The following SLC7A1 variants were observed in gnomAD, a reference collection of about 807,000 sequenced individuals.
SLC7A1 encodes the protein solute carrier family 7 member 1.
A neutral mutation model predicts 53.9 loss-of-function variants in SLC7A1; 10 were observed. The observed-to-expected ratio is 0.19, with a 90% CI of 0.11 to 0.31. The LOEUF is 0.31. SLC7A1 is among the 10% of genes least tolerant of loss of function. The pLI, the probability that SLC7A1 is intolerant of heterozygous loss-of-function variation, is 1.00. For missense variants in SLC7A1, 525 were observed against 827.2 expected, an observed-to-expected ratio of 0.63 and a Z score of 4.48; for synonymous variants, 342 against 338.7, an observed-to-expected ratio of 1.01 and a Z score of -0.11.
intron 2 of SLC7A1, among the ~76,000 whole-genome samples, chr13:29,538,736 A>G (rs1428135220): frequency 6.6e-6 from 1 of 152,358 alleles, no homozygotes; most frequent in South Asian, 2.1e-4. Context: ...CGTGGATAGT[A>G]AGTTGGAAGG....
chr13:29,575,408 G>A (rs1871370542), intron 1 of SLC7A1, among the ~76,000 whole-genome samples: 1 of 152,170 alleles, frequency 6.6e-6, no homozygotes, highest in Non-Finnish European at 1.5e-5. Flanking sequence ...TCTAACTTAT[G>A]ATAAATCCCC....
intron 1 of SLC7A1, among the ~76,000 whole-genome samples, chr13:29,582,180 A>G (rs280936): frequency 0.86 from 131,614 of 152,214 alleles, 57,906 homozygotes; most frequent in Middle Eastern, 0.96. Context: ...GCTGCTTGCC[A>G]CTCGGCTAAT....
intron 8 of SLC7A1, among the ~76,000 whole-genome samples, chr13:29,520,232 T>C (rs1323993662): frequency 6.6e-6 from 1 of 152,074 alleles, no homozygotes; most frequent in Non-Finnish European, 1.5e-5. Flanking sequence ...AGTGTGCCCA[T>C]CATTGGGTTC....
At chr13:29,558,679 G>T in intron 1 of SLC7A1, among the ~76,000 whole-genome samples, 1 of 14,230 alleles carries the variant, frequency 7.0e-5, no homozygotes, top group Non-Finnish European at 1.3e-4. Context: ...GTGAGGGGGA[G>T]TGAATGTGAG....
chr13:29,586,040 A>T (rs1031756962), intron 1 of SLC7A1, among the ~76,000 whole-genome samples: 1 of 152,242 alleles, frequency 6.6e-6, no homozygotes, highest in Non-Finnish European at 1.5e-5. Flanking sequence ...AGTAAGAAGA[A>T]GCTGTAATTC....
At chr13:29,518,087 G>A (rs1463548262) in intron 9 of SLC7A1, among the ~76,000 whole-genome samples, 1 of 152,168 alleles carries the variant, frequency 6.6e-6, no homozygotes, top group Admixed American at 6.5e-5. Flanking sequence ...AAGTGGCAGC[G>A]GCCCTCAGAT....
chr13:29,566,376 C>T (rs992046022), intron 1 of SLC7A1, among the ~76,000 whole-genome samples: 11 of 152,324 alleles, frequency 7.2e-5, no homozygotes, highest in African/African-American at 2.2e-4. Flanking sequence ...ACAACCCAAA[C>T]GTCCATCGAC....
rs539349369 is a variant in SLC7A1, at chr13:29,591,719, T to A, written c.-115+3697A>T. Among the ~76,000 whole-genome samples, 7 of 152,030 alleles carry A rather than the reference T, an allele frequency of 4.6e-5. No homozygotes were observed. The South Asian group carries it at 1.5e-3, about 32-fold the overall frequency. The stretch of plus-strand genomic sequence containing the variant: ...AAAAGGGAGGGGGGCAAGGGGACAA[T>A]CAGAAAAAAATGGAAAGACAATGTA... On this transcript the variant is annotated intron_variant, in intron 1 of 12. Coordinates refer to ENST00000380752, the MANE Select transcript of SLC7A1 (RefSeq NM_003045.5).
In SLC7A1 at chr13:29,529,700, C is replaced by A. The variant is rs148947067; in HGVS notation, c.704+838G>T. Among the ~76,000 whole-genome samples, 38 of 152,334 alleles carry A rather than the reference C, an allele frequency of 2.5e-4. No homozygotes were observed. In the East Asian group the frequency reaches 4.0e-3, roughly 16 times the overall value. On this transcript the variant is annotated intron_variant, in intron 5 of 12. Transcript: ENST00000380752. ...GAAACATCTCTTCTTTAAAGCCACA[C>A]TCCATTGTGGCAGTTGGAGGGGGTC... is the stretch of plus-strand genomic sequence containing the variant.
chr13:29,518,941 G>A lies in SLC7A1; in HGVS notation c.1292+506C>T, dbSNP rs570870339. Among the ~76,000 whole-genome samples, 10 of 152,028 alleles carry A rather than the reference G, an allele frequency of 6.6e-5. 1 individual carries two copies. In the South Asian group the frequency reaches 2.1e-3, roughly 32 times the overall value. On this transcript the variant is annotated intron_variant, in intron 9 of 12. Transcript: ENST00000380752. ...CCTGGCCCCCACCAGGCTATAACAA[G>A]CTGACTCCACAGTGTCTCTGAACAT...
intron 12 of SLC7A1, among the ~76,000 whole-genome samples, chr13:29,515,509 G>A (rs990990666): frequency 6.6e-6 from 1 of 152,194 alleles, no homozygotes; most frequent in African/African-American, 2.4e-5. Flanking sequence ...TCAGGGCTGC[G>A]AGGCTGTAGG....
At chr13:29,545,877 C>T (rs1397892867) in intron 2 of SLC7A1, among the ~76,000 whole-genome samples, 1 of 152,230 alleles carries the variant, frequency 6.6e-6, no homozygotes. Flanking sequence ...AACCAGAGAA[C>T]ACCCGAAAAG....
chr13:29,553,010 C>T (rs1365696453), intron 2 of SLC7A1, among the ~76,000 whole-genome samples: 1 of 152,214 alleles, frequency 6.6e-6, no homozygotes, highest in African/African-American at 2.4e-5. Flanking sequence ...GCCTCACTGG[C>T]CAGCCTTGAC....
intron 1 of SLC7A1, among the ~76,000 whole-genome samples, chr13:29,584,760 A>G (rs1871805984): frequency 6.6e-6 from 1 of 152,234 alleles, no homozygotes; most frequent in African/African-American, 2.4e-5. Flanking sequence ...CTTAAGCAAA[A>G]GTCCATCCAA....
At chr13:29,572,791 G>A (rs567337297) in intron 1 of SLC7A1, among the ~76,000 whole-genome samples, 1 of 152,284 alleles carries the variant, frequency 6.6e-6, no homozygotes, top group East Asian at 1.9e-4. Flanking sequence ...GTGATCCTGG[G>A]AAACCTGCAT....
chr13:29,522,586 G>A (rs540975090), intron 7 of SLC7A1, 130 bp from the exon 8 acceptor site: 16 of 859,860 alleles, frequency 1.9e-5, no homozygotes, highest in African/African-American at 8.5e-5. Flanking sequence ...GTCCCTCCAC[G>A]CTGGGTGAGG....
chr13:29,565,006 G>A lies in SLC7A1; in HGVS notation c.-114-11146C>T, dbSNP rs577666. Among the ~76,000 whole-genome samples, 533 of 152,318 alleles carry A rather than the reference G, an allele frequency of 3.5e-3. 3 individuals carry two copies. Among genetic ancestry groups the A allele is most frequent in the African/African-American group, 0.012 (500 of 41,576 alleles). On this transcript the variant is annotated intron_variant, in intron 1 of 12. Coordinates refer to ENST00000380752, the MANE Select transcript of SLC7A1 (RefSeq NM_003045.5). Reference sequence around the variant, plus strand: ...TAATAAACTACACAAAGAGATAAATGCAGCCAGGGGGAGCTGCTATTTAAA... The same window carrying A: ...TAATAAACTACACAAAGAGATAAATACAGCCAGGGGGAGCTGCTATTTAAA...
intron 5 of SLC7A1, among the ~76,000 whole-genome samples, chr13:29,528,138 G>A (rs1868984772): frequency 6.6e-6 from 1 of 152,250 alleles, no homozygotes; most frequent in Non-Finnish European, 1.5e-5. Flanking sequence ...TCCTGGCTGG[G>A]TGAAGCGACA....
intron 2 of SLC7A1, among the ~76,000 whole-genome samples, chr13:29,550,875 T>C (rs1277348252): frequency 6.6e-6 from 1 of 152,254 alleles, no homozygotes; most frequent in Non-Finnish European, 1.5e-5. Flanking sequence ...TCTTGTGTGA[T>C]AATGAGTGAA....
Sources: gnomAD v4.1 joint callset for allele counts (sites outside exome capture counted in the v4.1 genomes callset) on GRCh38, gnomAD v4.1.1 for gene constraint, MANE v1.5 for transcripts, NCBI Gene and HGNC (gene_info 2026-07-23, HGNC 2026-07-21) for gene names.